Variants in HS3ST5 observed in about 807,000 individuals in gnomAD.
HS3ST5 encodes the protein heparan sulfate-glucosamine 3-sulfotransferase 5, also known as heparan sulfate glucosamine 3-O-sulfotransferase 5.
HS3ST5 carries 10 observed loss-of-function variants against 25.4 expected under a neutral mutation model. That is an observed-to-expected ratio of 0.39 (90% confidence interval 0.24 to 0.67). HS3ST5 has a LOEUF of 0.67. HS3ST5 is among the 30% of genes least tolerant of loss of function. HS3ST5 has a pLI of 0.44. For synonymous variants in HS3ST5, 170 were observed against 162.4 expected (o/e 1.05, Z -0.36); for missense variants, 324 against 420.7 (o/e 0.77, Z 2.01).
At chr6:114,278,850 T>G (rs1773981219) in intron 1 of HS3ST5, among the ~76,000 whole-genome samples, 1 of 152,034 alleles carries the variant, frequency 6.6e-6, no homozygotes, top group Non-Finnish European at 1.5e-5. Context: ...TGGAAATGTG[T>G]TCTCCACAGC....
intron 1 of HS3ST5, among the ~76,000 whole-genome samples, chr6:114,232,435 C>A (rs758265947): frequency 4.6e-5 from 7 of 152,140 alleles, no homozygotes; most frequent in Non-Finnish European, 1.0e-4. Context: ...AAGCAATCCA[C>A]CCACCTCAGC....
intron 2 of HS3ST5, among the ~76,000 whole-genome samples, chr6:114,183,251 A>G (rs1355437204): frequency 2.6e-5 from 4 of 152,170 alleles, no homozygotes; most frequent in African/African-American, 9.7e-5. Flanking sequence ...TAATTGAACC[A>G]CAGGGGCAGT....
At chr6:114,312,176 A>G (rs905540471) in intron 1 of HS3ST5, among the ~76,000 whole-genome samples, 1 of 152,212 alleles carries the variant, frequency 6.6e-6, no homozygotes, top group Non-Finnish European at 1.5e-5. Context: ...ACATTATCTA[A>G]TAGAAGCTCT....
chr6:114,173,639 A>T (rs1176965923), intron 2 of HS3ST5, among the ~76,000 whole-genome samples: 1 of 152,194 alleles, frequency 6.6e-6, no homozygotes, highest in African/African-American at 2.4e-5. Context: ...CAGGTGGATC[A>T]TCTGAGGTCA....
intron 3 of HS3ST5, among the ~76,000 whole-genome samples, chr6:114,087,831 A>C (rs1774916505): frequency 6.6e-6 from 1 of 152,128 alleles, no homozygotes; most frequent in Admixed American, 6.5e-5. Context: ...ACAATCTGAT[A>C]CACATCTACA....
At chr6:114,209,552 C>T (rs991435310) in intron 2 of HS3ST5, among the ~76,000 whole-genome samples, 1 of 151,984 alleles carries the variant, frequency 6.6e-6, no homozygotes, top group Non-Finnish European at 1.5e-5. Context: ...ATTTGGTATT[C>T]AAATTCTGGA....
At chr6:114,326,322 G>A (rs2114899104) in intron 1 of HS3ST5, among the ~76,000 whole-genome samples, 1 of 152,198 alleles carries the variant, frequency 6.6e-6, no homozygotes, top group East Asian at 1.9e-4. Context: ...CCTGGGAGAT[G>A]GAGTTTGCAG....
intron 3 of HS3ST5, among the ~76,000 whole-genome samples, chr6:114,064,667 C>T (rs1478894784): frequency 3.3e-5 from 5 of 152,212 alleles, no homozygotes; most frequent in Admixed American, 2.6e-4. Context: ...TAGACATGTT[C>T]TTGCCCTGTG....
At chr6:114,149,342 C>A (rs755682282) in intron 3 of HS3ST5, among the ~76,000 whole-genome samples, 6 of 152,154 alleles carry the variant, frequency 3.9e-5, no homozygotes, top group Non-Finnish European at 8.8e-5. Context: ...AAATGCCCAT[C>A]AATGATAGAC....
intron 3 of HS3ST5, chr6:114,084,307 T>C: frequency 1.3e-6 from 1 of 769,472 alleles, no homozygotes; most frequent in Non-Finnish European, 2.4e-6. Flanking sequence ...CTGCACACCT[T>C]CAGACCAGTC....
intron 1 of HS3ST5, among the ~76,000 whole-genome samples, chr6:114,332,516 A>G (rs147968234): frequency 6.4e-4 from 98 of 152,308 alleles, no homozygotes; most frequent in African/African-American, 2.3e-3. Flanking sequence ...AAGGCATAAA[A>G]AAGTCAGACA....
chr6:114,058,092 T>C lies in HS3ST5; in HGVS notation c.206A>G (p.His69Arg). Residue 69 changes from histidine to arginine, a missense_variant, in exon 5 of 5, where the codon CAC (histidine) becomes CGC (arginine). Around this residue, in one of 2 missense-constraint regions of HS3ST5, gnomAD observed 121 missense variants for 117.3 expected, o/e 1.03. Coordinates refer to ENST00000312719, the MANE Select transcript of HS3ST5 (RefSeq NM_153612.4). ...GGAAGCGTTGCCCTTCCGGAACTCGTGCAGCAGGCCACGCTTAAACTGCAG... is the reference window on the plus strand; with the variant it reads ...GGAAGCGTTGCCCTTCCGGAACTCGCGCAGCAGGCCACGCTTAAACTGCAG... Reference protein sequence around the residue: ...RALQFKRGLLHEFRKGNASKE... With the variant: ...RALQFKRGLLREFRKGNASKE... The C allele has an allele frequency of 6.2e-7, 1 of 1,614,160 alleles. No individual in the cohort carries two copies. Among genetic ancestry groups the C allele is most frequent in the Non-Finnish European group, 8.5e-7 (1 of 1,180,022 alleles).
At chr6:114,129,247 GA>G (rs1349525439) in intron 3 of HS3ST5, among the ~76,000 whole-genome samples, 1 of 124,518 alleles carries the variant, frequency 8.0e-6, no homozygotes, top group Non-Finnish European at 1.7e-5. Context: ...CCTGCAACAA[GA>G]ACCTTTTTTT....
chr6:114,084,341 T>C, intron 3 of HS3ST5: 1 of 759,890 alleles, frequency 1.3e-6, no homozygotes, highest in Non-Finnish European at 2.4e-6. Flanking sequence ...TGAGTAGCAG[T>C]GAACTCAGGA....
At chr6:114,239,621 A>G (rs1772011298) in intron 1 of HS3ST5, among the ~76,000 whole-genome samples, 1 of 152,164 alleles carries the variant, frequency 6.6e-6, no homozygotes, top group South Asian at 2.1e-4. Context: ...TGCCATCTAT[A>G]CTTAACTCTA....
chr6:114,209,417 G>T (rs1781419725), intron 2 of HS3ST5, among the ~76,000 whole-genome samples: 1 of 149,584 alleles, frequency 6.7e-6, no homozygotes, highest in Admixed American at 6.6e-5. Flanking sequence ...ATTTTCCTCT[G>T]ACCCAATTTT....
At chr6:114,075,527 C>T (rs1050213709) in intron 3 of HS3ST5, among the ~76,000 whole-genome samples, 2 of 152,168 alleles carry the variant, frequency 1.3e-5, no homozygotes, top group East Asian at 1.9e-4. Flanking sequence ...GGTAGCTGTG[C>T]GTTTACGTGG....
At chr6:114,129,236 A>C (rs1177592180) in intron 3 of HS3ST5, among the ~76,000 whole-genome samples, 9 of 144,288 alleles carry the variant, frequency 6.2e-5, no homozygotes, top group Non-Finnish European at 9.0e-5. Context: ...TGAGACACAC[A>C]CCTGCAACAA....
intron 2 of HS3ST5, among the ~76,000 whole-genome samples, chr6:114,212,545 T>C (rs1038471577): frequency 1.3e-5 from 2 of 152,234 alleles, no homozygotes; most frequent in African/African-American, 4.8e-5. Flanking sequence ...AGACCATAAA[T>C]GCTTTTATAT....
Sources: allele counts gnomAD v4.1 joint callset (sites outside exome capture counted in the v4.1 genomes callset), GRCh38; gene constraint gnomAD v4.1.1; regional missense constraint gnomAD v4.1.1; transcripts MANE v1.5; gene names NCBI Gene and HGNC (gene_info 2026-07-23, HGNC 2026-07-21).